ASXL2: variants seen among roughly 807,000 people sequenced by gnomAD.
The protein encoded by ASXL2 is putative Polycomb group protein ASXL2.
Under a neutral mutation model 122.0 loss-of-function variants are expected in ASXL2, and 23 were observed. The ratio of observed to expected loss-of-function variants is 0.19; its 90% confidence interval spans 0.14 to 0.27. ASXL2 has a LOEUF of 0.27. ASXL2 is among the 10% of genes least tolerant of loss of function. ASXL2 has a pLI of 1.00. For missense variants in ASXL2, 1,518 were observed against 1,713.8 expected (o/e 0.89, Z 2.02); for synonymous variants, 650 against 637.0 (o/e 1.02, Z -0.31).
At chr2:25,771,941 C>T (rs1170524313) in intron 5 of ASXL2, among the ~76,000 whole-genome samples, 1 of 152,176 alleles carries the variant, frequency 6.6e-6, no homozygotes, top group African/African-American at 2.4e-5. Context: ...AAAATAAAGA[C>T]ATTAAGGCCA....
intron 2 of ASXL2, among the ~76,000 whole-genome samples, chr2:25,838,824 T>C (rs1373156951): frequency 1.3e-5 from 2 of 152,248 alleles, no homozygotes; most frequent in Admixed American, 1.3e-4. Flanking sequence ...TCGTTTCCCT[T>C]AGTAACTGAA....
intron 1 of ASXL2, among the ~76,000 whole-genome samples, chr2:25,852,805 A>C (rs2089732007): frequency 6.6e-6 from 1 of 152,218 alleles, no homozygotes; most frequent in African/African-American, 2.4e-5. Context: ...TGCTGCCTAG[A>C]AGCTGAGATA....
intron 3 of ASXL2, among the ~76,000 whole-genome samples, chr2:25,824,910 G>C (rs1406599430): frequency 6.6e-6 from 1 of 152,110 alleles, no homozygotes; most frequent in African/African-American, 2.4e-5. Context: ...CCAGAATAAA[G>C]GTCATTAAGT....
At chr2:25,798,194 G>A (rs923670413) in intron 5 of ASXL2, among the ~76,000 whole-genome samples, 1 of 152,150 alleles carries the variant, frequency 6.6e-6, no homozygotes, top group South Asian at 2.1e-4. Context: ...GGAGGAGGGA[G>A]AGAATCAGGA....
chr2:25,765,198 T>A (rs939790428), intron 8 of ASXL2, among the ~76,000 whole-genome samples: 7 of 152,174 alleles, frequency 4.6e-5, no homozygotes, highest in Admixed American at 6.5e-5. Context: ...AAAATAGTCA[T>A]TGTGTGGCTG....
At chr2:25,793,002 C>T (rs2088858117) in intron 5 of ASXL2, among the ~76,000 whole-genome samples, 1 of 151,846 alleles carries the variant, frequency 6.6e-6, no homozygotes, top group South Asian at 2.1e-4. Flanking sequence ...CCTGTAATCC[C>T]AGCACTTTGG....
At chr2:25,852,395 CG>C (rs1386436407) in intron 1 of ASXL2, among the ~76,000 whole-genome samples, 1 of 152,156 alleles carries the variant, frequency 6.6e-6, no homozygotes. Flanking sequence ...GCCTAAATAA[CG>C]GGAATATTTC....
chr2:25,770,939 TAA>T (rs1452925140), intron 6 of ASXL2, among the ~76,000 whole-genome samples: 1 of 151,886 alleles, frequency 6.6e-6, no homozygotes, highest in Admixed American at 6.6e-5. Flanking sequence ...AAAAATGTGA[TAA>T]AAAGAGTATC....
Position 25,749,918 on chromosome 2 carries a change from T to G in ASXL2, c.1638A>C (p.Pro546=), listed in dbSNP as rs1240774760. 1 of 1,613,738 alleles carries G rather than the reference T, an allele frequency of 6.2e-7. No individual in the cohort carries two copies. Among genetic ancestry groups the G allele is most frequent in the Non-Finnish European group, 8.5e-7 (1 of 1,179,852 alleles). ...GAGGTTCTTTCATATTAGTCTCCTG[T>G]GGACCCGCTCCTGCTGTGGGCTTCA... The part of the protein sequence containing the change: ...PIVKPTAGAG[P]QETNMKEPLA... Residue 546 remains proline, a synonymous_variant, in exon 12 of 13, where the codon CCA becomes CCC. Transcript: ENST00000435504.
intron 2 of ASXL2, among the ~76,000 whole-genome samples, chr2:25,844,444 G>A (rs1166916373): frequency 6.6e-6 from 1 of 151,948 alleles, no homozygotes; most frequent in Non-Finnish European, 1.5e-5. Flanking sequence ...AGGCATGGTG[G>A]TGCGTGTCTG....
At chr2:25,831,989 T>C (rs982285664) in intron 3 of ASXL2, among the ~76,000 whole-genome samples, 2 of 152,164 alleles carry the variant, frequency 1.3e-5, no homozygotes, top group Non-Finnish European at 2.9e-5. Context: ...ATTCTATATC[T>C]GATGAAACAG....
chr2:25,864,959 A>G (rs558405113), intron 1 of ASXL2, among the ~76,000 whole-genome samples: 1 of 151,698 alleles, frequency 6.6e-6, no homozygotes, highest in African/African-American at 2.4e-5. Flanking sequence ...AGCCTCCCGA[A>G]TACAGGCGCC....
At chr2:25,779,161 C>T (rs1394403757) in intron 5 of ASXL2, among the ~76,000 whole-genome samples, 1 of 136,196 alleles carries the variant, frequency 7.3e-6, no homozygotes, top group Admixed American at 8.3e-5. Flanking sequence ...GCGATCTTGG[C>T]TCACTGCAAC....
intron 5 of ASXL2, among the ~76,000 whole-genome samples, chr2:25,773,701 C>T (rs2149157404): frequency 6.7e-6 from 1 of 149,642 alleles, no homozygotes; most frequent in East Asian, 2.0e-4. Flanking sequence ...CCTCAGTATA[C>T]TTTGATACTG....
At chr2:25,871,300 A>G (rs183014243) in intron 1 of ASXL2, among the ~76,000 whole-genome samples, 5 of 152,258 alleles carry the variant, frequency 3.3e-5, no homozygotes, top group East Asian at 3.9e-4. Flanking sequence ...GAGGGGGGGA[A>G]AAATGTCCCA....
chr2:25,755,988 C>T (rs371413513), intron 10 of ASXL2, 30 bp downstream of exon 10: 55 of 1,571,458 alleles, frequency 3.5e-5, no homozygotes, highest in Non-Finnish European at 4.6e-5. Flanking sequence ...GCACACACCA[C>T]CTGGGAGACA....
chr2:25,776,742 C>T (rs80112655), intron 5 of ASXL2, among the ~76,000 whole-genome samples: 2,619 of 152,256 alleles, frequency 0.017, 78 homozygotes, highest in African/African-American at 0.057. Context: ...TTCTTAACAA[C>T]GTCTTGCAGA....
chr2:25,855,121 T>C (rs1466103702), intron 1 of ASXL2, among the ~76,000 whole-genome samples: 1 of 152,214 alleles, frequency 6.6e-6, no homozygotes, highest in Non-Finnish European at 1.5e-5. Context: ...CCTCAAAGTT[T>C]ATCTATCACT....
intron 2 of ASXL2, among the ~76,000 whole-genome samples, chr2:25,839,626 T>TC (rs1358999099): frequency 1.3e-5 from 2 of 149,612 alleles, no homozygotes; most frequent in Non-Finnish European, 3.0e-5. Flanking sequence ...TTTTTTTTTT[T>TC]TTTTTTTTTT....
Sources: allele counts gnomAD v4.1 joint callset (sites outside exome capture counted in the v4.1 genomes callset), GRCh38; gene constraint gnomAD v4.1.1; transcripts MANE v1.5; gene names NCBI Gene and HGNC (gene_info 2026-07-23, HGNC 2026-07-21).